The following RALGPS1 variants were observed in gnomAD, a reference collection of about 807,000 sequenced individuals.
RALGPS1 encodes ras-specific guanine nucleotide-releasing factor RalGPS1.
Under a neutral mutation model 78.8 loss-of-function variants are expected in RALGPS1, and 19 were observed. That is an observed-to-expected ratio of 0.24 (90% CI 0.17 to 0.35). The LOEUF is 0.35. Among genes scored for constraint, RALGPS1 ranks in the 10% least tolerant of loss-of-function variants. The pLI, the probability that RALGPS1 is intolerant of heterozygous loss-of-function variation, is 1.00. For synonymous variants in RALGPS1, 228 were observed against 256.3 expected (o/e 0.89, Z 1.06); for missense variants, 454 against 688.3 (o/e 0.66, Z 3.81).
chr9:127,020,575 A>C lies in RALGPS1; in HGVS notation c.217-13856A>C, dbSNP rs138179415. ...TGATGAATTGTTTCTAGGAGATGTC[A>C]TGTGTGTATATCACAGGAATTCTAA... On this transcript the variant is annotated intron_variant, in intron 4 of 18. Transcript: ENST00000259351. 4.3e-3 allele frequency among the ~76,000 whole-genome samples: 648 copies of C among 152,378 alleles called. 3 individuals are homozygous for C. Among genetic ancestry groups the C allele is most frequent in the Non-Finnish European group, 7.6e-3 (514 of 68,034 alleles).
intron 13 of RALGPS1, 150 bp from the exon 14 acceptor site, chr9:127,198,865 C>T (rs915063104): frequency 5.1e-5 from 37 of 729,476 alleles, no homozygotes; most frequent in East Asian, 3.0e-4. Context: ...GAACTCACAG[C>T]AAAAACTCGA....
chr9:127,039,391 A>G (rs2047107090), intron 5 of RALGPS1, among the ~76,000 whole-genome samples: 1 of 152,182 alleles, frequency 6.6e-6, no homozygotes, highest in Admixed American at 6.5e-5. Context: ...TTTTGCAGGG[A>G]TGTAGCAGGT....
intron 4 of RALGPS1, among the ~76,000 whole-genome samples, chr9:127,023,261 G>T (rs1205133446): frequency 6.6e-6 from 1 of 152,200 alleles, no homozygotes. Context: ...GTTGTCCTTT[G>T]TGGCCTTGAG....
At position 127,045,736 on chromosome 9, in the gene RALGPS1, CACACACACACACACACACACACACAT is replaced by C. The variant is rs1417290718; in HGVS notation, c.301-4281_301-4256del. 1.6e-4 allele frequency among the ~76,000 whole-genome samples: 13 copies of C among 82,764 alleles called. No individual in the cohort carries two copies. In the East Asian group the frequency reaches 2.7e-3, roughly 17 times the overall value. The allele number at this position is 82,764 out of a possible 152,430, so 54.3% of individuals were successfully genotyped here. A position where few individuals can be genotyped will look rare whatever the true frequency, so the allele number is the denominator to read the frequency against. ...GTGTATAGGCATGGGTTAGTACACA[CACACACACACACACACACACACACAT>C]ACACACACACACACACACACACACA... On this transcript the variant is annotated intron_variant, in intron 5 of 18. Coordinates refer to ENST00000259351, the MANE Select transcript of RALGPS1 (RefSeq NM_014636.3).
intron 3 of RALGPS1, among the ~76,000 whole-genome samples, chr9:126,968,002 CTTTTTTTT>C (rs745689127): frequency 7.7e-6 from 1 of 130,638 alleles, no homozygotes; most frequent in Non-Finnish European, 1.6e-5. Flanking sequence ...GAGTTCAATT[CTTTTTTTT>C]TTTTTTTTTT....
chr9:127,181,609 T>G (rs142685419), intron 11 of RALGPS1, among the ~76,000 whole-genome samples: 51 of 152,354 alleles, frequency 3.3e-4, no homozygotes, highest in Non-Finnish European at 6.9e-4. Flanking sequence ...AACTTCCATG[T>G]AAGAATCAGA....
At chr9:127,053,067 T>C (rs944523171) in intron 7 of RALGPS1, 128 bp downstream of exon 7, 3 of 703,004 alleles carry the variant, frequency 4.3e-6, no homozygotes, top group Non-Finnish European at 7.4e-6. Flanking sequence ...TATGAGTTGA[T>C]GACAGTTCTG....
At position 127,221,019 on chromosome 9, in the gene RALGPS1, C is replaced by T. The variant is rs886783464; in HGVS notation, c.*2250C>T. ...TCCTCTCCCAGGAACATTCTTAGCT[C>T]GGACTCTTGAAGAATCTCTTTAGAT... On this transcript the variant is annotated 3_prime_UTR_variant, in exon 19 of 19. Coordinates refer to ENST00000259351, the MANE Select transcript of RALGPS1 (RefSeq NM_014636.3). 18 of 152,556 alleles carry T rather than the reference C, an allele frequency of 1.2e-4. No homozygotes were observed. The highest frequency in any genetic ancestry group is 2.2e-4 in the Non-Finnish European group (15 of 68,054). The allele number at this position is 152,556 out of a possible 1,614,324, so 9.5% of individuals were successfully genotyped here.
intron 9 of RALGPS1, among the ~76,000 whole-genome samples, chr9:127,168,076 A>G (rs1435177103): frequency 6.6e-6 from 1 of 152,220 alleles, no homozygotes; most frequent in South Asian, 2.1e-4. Context: ...GCAGGTGTGA[A>G]GGTTAACAAA....
rs2131071325 is a variant in RALGPS1, at chr9:127,219,053, A to G, written c.*284A>G. The G allele has an allele frequency of 2.0e-6, 1 of 506,260 alleles. No individual in the cohort carries two copies. Among genetic ancestry groups the G allele is most frequent in the Non-Finnish European group, 3.6e-6 (1 of 277,408 alleles). 31.4% of individuals were successfully genotyped at this position (506,260 alleles called of 1,614,324 possible). ...TCTGGGCCCACCACCTGCATCTGCG[A>G]CTAGAGAGCACCCGGCCCACGTTGG... On this transcript the variant is annotated 3_prime_UTR_variant, in exon 19 of 19. Coordinates refer to ENST00000259351, the MANE Select transcript of RALGPS1 (RefSeq NM_014636.3). The surrounding 1 kb of genome is among the most constrained non-coding windows in gnomAD (Gnocchi z 5.0).
At chr9:127,111,338 C>T (rs75002079) in intron 8 of RALGPS1, among the ~76,000 whole-genome samples, 344 of 152,346 alleles carry the variant, frequency 2.3e-3, no homozygotes, top group African/African-American at 8.0e-3. Context: ...ATAAGATACA[C>T]GCTGTCTCCT....
intron 14 of RALGPS1, among the ~76,000 whole-genome samples, chr9:127,202,989 C>T (rs2061726533): frequency 6.6e-6 from 1 of 152,174 alleles, no homozygotes. Flanking sequence ...CCTCGGGCCC[C>T]TTGGAAACCA....
chr9:127,119,438 C>G (rs1251343352), intron 8 of RALGPS1, among the ~76,000 whole-genome samples: 2 of 152,186 alleles, frequency 1.3e-5, no homozygotes, highest in East Asian at 3.8e-4. Context: ...AAACAAGGCA[C>G]TGAAGTGAGA....
intron 12 of RALGPS1, 108 bp downstream of exon 12, chr9:127,195,325 C>T (rs1014353203): frequency 1.4e-6 from 2 of 1,400,548 alleles, no homozygotes; most frequent in East Asian, 4.9e-5. Context: ...CTGCCCTGTT[C>T]TGGGAGTTGC....
At chr9:127,146,654 G>T (rs73595446) in intron 8 of RALGPS1, among the ~76,000 whole-genome samples, 2,566 of 149,042 alleles carry the variant, frequency 0.017, 86 homozygotes, top group African/African-American at 0.06. Context: ...AGTGATTCTT[G>T]TGCCTTAGTC....
chr9:127,129,552 T>C (rs905029298), intron 8 of RALGPS1, among the ~76,000 whole-genome samples: 2 of 152,164 alleles, frequency 1.3e-5, no homozygotes, highest in African/African-American at 4.8e-5. Flanking sequence ...AGGAGGCAGC[T>C]GATTAGATAA....
chr9:127,015,893 C>G (rs2044770073), intron 4 of RALGPS1, among the ~76,000 whole-genome samples: 1 of 152,192 alleles, frequency 6.6e-6, no homozygotes, highest in South Asian at 2.1e-4. Context: ...AAAGATGCAC[C>G]TGATCCCACC....
chr9:127,143,925 C>G (rs956952595), intron 8 of RALGPS1, among the ~76,000 whole-genome samples: 43 of 152,348 alleles, frequency 2.8e-4, no homozygotes, highest in African/African-American at 9.6e-4. Flanking sequence ...TCTGCCCTTG[C>G]CCTCCCCTTC....
chr9:126,960,760 G>A (rs748579084), intron 1 of RALGPS1, among the ~76,000 whole-genome samples: 18 of 151,776 alleles, frequency 1.2e-4, no homozygotes, highest in Non-Finnish European at 2.4e-4. Flanking sequence ...TCACAGATTC[G>A]GCATTTCCCA....
Sources: gnomAD v4.1 joint callset for allele counts (sites outside exome capture counted in the v4.1 genomes callset) on GRCh38, gnomAD v4.1.1 for gene constraint, Gnocchi (gnomAD v3.1) non-coding constraint, MANE v1.5 for transcripts, NCBI Gene and HGNC (gene_info 2026-07-23, HGNC 2026-07-21) for gene names.